ZNF398: variants seen among roughly 807,000 people sequenced by gnomAD.
ZNF398 encodes the protein zinc finger DNA binding protein ZER6.
ZNF398 carries 18 observed loss-of-function variants against 41.9 expected under a neutral mutation model. That is an observed-to-expected ratio of 0.43 (90% CI 0.30 to 0.64). ZNF398 has a LOEUF of 0.64. Among genes scored for constraint, ZNF398 ranks in the 30% least tolerant of loss-of-function variants. The pLI, the probability that ZNF398 is intolerant of heterozygous loss-of-function variation, is 0.14. For synonymous variants in ZNF398, 260 were observed against 308.8 expected, an observed-to-expected ratio of 0.84 and a Z score of 1.66; for missense variants, 669 against 822.8, an observed-to-expected ratio of 0.81 and a Z score of 2.29.
intron 2 of ZNF398, among the ~76,000 whole-genome samples, chr7:149,141,386 C>T (rs1826820359): frequency 6.6e-6 from 1 of 150,500 alleles, no homozygotes; most frequent in Admixed American, 6.7e-5. Context: ...ACCTCTGCCT[C>T]CTGGGTTCAA....
At chr7:149,178,563 G>A (rs1195333081) in intron 5 of ZNF398, 85 bp from the exon 6 acceptor site, 1 of 1,141,328 alleles carries the variant, frequency 8.8e-7, no homozygotes, top group Non-Finnish European at 1.3e-6. Flanking sequence ...AGCTTCGAGT[G>A]ATCTGTTAGA....
intron 4 of ZNF398, among the ~76,000 whole-genome samples, chr7:149,173,403 G>A (rs113748736): frequency 0.01 from 1,552 of 152,030 alleles, 22 homozygotes; most frequent in African/African-American, 0.036. Context: ...CACCATGCCT[G>A]GCTGAAATAT....
At chr7:149,151,541 A>C (rs1827113623) in intron 1 of ZNF398, among the ~76,000 whole-genome samples, 1 of 151,998 alleles carries the variant, frequency 6.6e-6, no homozygotes, top group Non-Finnish European at 1.5e-5. Flanking sequence ...TTCCTTTTAT[A>C]CTACTCTTTG....
chr7:149,152,072 A>G (rs991665610), intron 1 of ZNF398, among the ~76,000 whole-genome samples: 2 of 151,726 alleles, frequency 1.3e-5, no homozygotes, highest in Non-Finnish European at 2.9e-5. Context: ...AAATTAGCTG[A>G]GCATGGTGGC....
At chr7:149,178,590 T>G in intron 5 of ZNF398, 58 bp from the exon 6 acceptor site, 100 of 1,428,038 alleles carry the variant, frequency 7.0e-5, no homozygotes, top group Middle Eastern at 2.0e-4. Context: ...TAGGAATGCA[T>G]GAGAGTTGCT....
chr7:149,149,229 A>G (rs114877275), intron 1 of ZNF398, among the ~76,000 whole-genome samples: 1,556 of 151,930 alleles, frequency 0.01, 24 homozygotes, highest in African/African-American at 0.035. Flanking sequence ...CATGTCATCA[A>G]TTTATTTATT....
At chr7:149,169,605 C>A (rs1417611815) in intron 4 of ZNF398, among the ~76,000 whole-genome samples, 1 of 152,120 alleles carries the variant, frequency 6.6e-6, no homozygotes, top group Non-Finnish European at 1.5e-5. Flanking sequence ...GCACACACCA[C>A]CATGCCTGGC....
At chr7:149,176,680 G>T in intron 5 of ZNF398, 99 bp downstream of exon 5, 1 of 693,516 alleles carries the variant, frequency 1.4e-6, no homozygotes, top group Non-Finnish European at 2.4e-6. Context: ...AAATATGTGG[G>T]AGAAGAATGA....
chr7:149,145,773 C>T (rs1001592554), upstream of ZNF398, among the ~76,000 whole-genome samples: 2 of 152,112 alleles, frequency 1.3e-5, no homozygotes, highest in African/African-American at 2.4e-5. Flanking sequence ...GAGGCTTCTT[C>T]CTGTCTCCTC....
Position 149,147,518 on chromosome 7 carries a change from C to T in ZNF398, c.-225C>T. On this transcript the variant is annotated 5_prime_UTR_variant, in exon 1 of 6. Coordinates refer to ENST00000475153, the MANE Select transcript of ZNF398 (RefSeq NM_170686.3). This position sits in a 1 kb window ranked among gnomAD's most constrained non-coding sequence, Gnocchi z 5.6. ...GGGTGGAGTGCGGCGGAGTCGGCCT[C>T]GCGACCCCAGCTTGATCCGCCGCCT... 1 of 351,626 alleles carries T rather than the reference C, an allele frequency of 2.8e-6. No individual in the cohort carries two copies. Among genetic ancestry groups the T allele is most frequent in the Non-Finnish European group, 4.8e-6 (1 of 206,320 alleles). 21.8% of individuals were successfully genotyped at this position (351,626 alleles called of 1,614,324 possible).
intron 1 of ZNF398, among the ~76,000 whole-genome samples, chr7:149,148,863 CTTTT>C (rs59895177): frequency 1.6e-3 from 102 of 63,260 alleles, no homozygotes; most frequent in African/African-American, 3.3e-3. Context: ...TTTTCTTTGT[CTTTT>C]TTTTTTTTTT....
intron 1 of ZNF398, 39 bp from the exon 2 acceptor site, chr7:149,153,906 A>C: frequency 6.4e-7 from 1 of 1,570,470 alleles, no homozygotes; most frequent in South Asian, 1.2e-5. Flanking sequence ...GGTTCCTTCT[A>C]ACACTCAATG....
rs1795626207 is a variant in ZNF398, at chr7:149,182,947, T to C, written c.*3146T>C. On this transcript the variant is annotated 3_prime_UTR_variant, in exon 6 of 6. Coordinates refer to ENST00000475153, the MANE Select transcript of ZNF398 (RefSeq NM_170686.3). The stretch of plus-strand genomic sequence containing the variant: ...TCTCTTGAGCATATCTGAGAAGTGA[T>C]GTTCATGTCTATCTCAACCAGGACC... 6.6e-6 allele frequency: 1 copy of C among 151,372 alleles called. No individual in the cohort carries two copies. The highest frequency in any genetic ancestry group is 2.4e-5 in the African/African-American group (1 of 41,132). The allele number at this position is 151,372 out of a possible 1,614,324, so 9.4% of individuals were successfully genotyped here.
chr7:149,179,467 T>G lies in ZNF398; in HGVS notation c.1595T>G (p.Leu532Arg). ...GAGCACCTGCTGAACCACCGGCGGC[T>G]GCACACAGGCGAGCGGCCCTTCAGT... is the stretch of plus-strand genomic sequence containing the variant. ...RKEHLLNHRR[L>R]HTGERPFSCP... The change falls in exon 6 of 6, where the codon CTG (leucine) becomes CGG (arginine). Residue 532 changes from leucine to arginine, a missense_variant. By Grantham distance (102) the Leu-to-Arg change is moderately radical. Around this residue, in one of 3 missense-constraint regions of ZNF398, gnomAD observed 210 missense variants for 290.4 expected, o/e 0.72. Coordinates refer to ENST00000475153, the MANE Select transcript of ZNF398 (RefSeq NM_170686.3). This position sits in a 1 kb window ranked among gnomAD's most constrained non-coding sequence, Gnocchi z 6.1. 6.2e-7 allele frequency: 1 copy of G among 1,614,192 alleles called. No homozygotes were observed. The highest frequency in any genetic ancestry group is 1.1e-5 in the South Asian group (1 of 91,090).
chr7:149,166,099 G>A (rs958223766), intron 2 of ZNF398, 59 bp from the exon 3 acceptor site: 1 of 1,540,338 alleles, frequency 6.5e-7, no homozygotes, highest in Non-Finnish European at 8.8e-7. Flanking sequence ...ATTGGAAAGA[G>A]ATTTATTGAA....
At chr7:149,153,821 A>G (rs1369629847) in intron 1 of ZNF398, 124 bp from the exon 2 acceptor site, 5 of 1,150,956 alleles carry the variant, frequency 4.3e-6, no homozygotes, top group Non-Finnish European at 6.0e-6. Flanking sequence ...ATACGCAGGC[A>G]GTACTAGAAC....
At chr7:149,140,028 T>G (rs1826789526) in intron 2 of ZNF398, among the ~76,000 whole-genome samples, 1 of 151,890 alleles carries the variant, frequency 6.6e-6, no homozygotes, top group African/African-American at 2.4e-5. Context: ...AAATAAAAAT[T>G]TAAAAATAAT....
At position 149,179,491 on chromosome 7, in the gene ZNF398, G is replaced by T; in HGVS notation, c.1619G>T (p.Ser540Ile). ...CTGCACACAGGCGAGCGGCCCTTCA[G>T]TTGTCCTCACTGTGGCAAGAGCTTC... ...RRLHTGERPF[S>I]CPHCGKSFIR... The change falls in exon 6 of 6, where the codon AGT becomes ATT. Residue 540 changes from serine (S) to isoleucine (I), a missense_variant. Transcript: ENST00000475153. This position sits in a 1 kb window ranked among gnomAD's most constrained non-coding sequence, Gnocchi z 6.1. 6.2e-7 allele frequency: 1 copy of T among 1,614,128 alleles called. No individual in the cohort carries two copies. Among genetic ancestry groups the T allele is most frequent in the Non-Finnish European group, 8.5e-7 (1 of 1,180,022 alleles).
At chr7:149,146,420 G>A (rs2129519890), upstream of ZNF398, among the ~76,000 whole-genome samples, 1 of 152,184 alleles carries the variant, frequency 6.6e-6, no homozygotes, top group East Asian at 1.9e-4. Flanking sequence ...CTTGGTAGCT[G>A]CGCCTGTAGT....
Sources: gnomAD v4.1 joint callset for allele counts (sites outside exome capture counted in the v4.1 genomes callset) on GRCh38, gnomAD v4.1.1 for gene constraint, gnomAD v4.1.1 regional missense constraint, Gnocchi (gnomAD v3.1) non-coding constraint, MANE v1.5 for transcripts, NCBI Gene and HGNC (gene_info 2026-07-23, HGNC 2026-07-21) for gene names.